Variants in SSTR3 observed in about 807,000 individuals in gnomAD.
SSTR3 encodes the protein somatostatin receptor type 3.
For synonymous variants in SSTR3, 281 were observed against 269.2 expected (o/e 1.04, Z -0.43); for missense variants, 504 against 604.7 (o/e 0.83, Z 1.75).
Position 37,207,655 on chromosome 22 carries a change from A to G in SSTR3, c.149T>C (p.Val50Ala). ...LAVSGVLIPL[V>A]YLVVCVVGLL... is the part of the protein sequence containing the mutation. Reference sequence around the variant, plus strand: ...GCCCACCACGCACACCACCAGGTAGACCAGGGGGATCAGAACGCCACTGAC... The same window carrying G: ...GCCCACCACGCACACCACCAGGTAGGCCAGGGGGATCAGAACGCCACTGAC... The change falls in exon 2 of 2, where the codon GTC (valine) becomes GCC (alanine). Residue 50 changes from valine to alanine, a missense_variant. Coordinates refer to ENST00000610913, the MANE Select transcript of SSTR3 (RefSeq NM_001051.5). 1 of 1,588,250 alleles carries G rather than the reference A, an allele frequency of 6.3e-7. No homozygotes were observed. Among genetic ancestry groups the G allele is most frequent in the Non-Finnish European group, 8.6e-7 (1 of 1,163,554 alleles).
At position 37,207,833 on chromosome 22, in the gene SSTR3, T is replaced by G. The variant is rs760524918; in HGVS notation, c.-30A>C. ...GAGGGGAGGGTGGTCAGCAGTCAGC[T>G]ATTTGCCTGGGGGAAGGAAAAACAG... On this transcript the variant is annotated 5_prime_UTR_variant, in exon 2 of 2. The change abolishes the stop of an existing upstream ORF in the 5' untranslated region. Coordinates refer to ENST00000610913, the MANE Select transcript of SSTR3 (RefSeq NM_001051.5). The G allele has an allele frequency of 1.1e-5, 16 of 1,482,836 alleles. No homozygotes were observed. In the Middle Eastern group the frequency reaches 7.3e-4, roughly 67 times the overall value. 91.9% of individuals were successfully genotyped at this position (1,482,836 alleles called of 1,614,324 possible).
At chr22:37,212,807 G>C (rs190749213), upstream of SSTR3, among the ~76,000 whole-genome samples, 7 of 152,114 alleles carry the variant, frequency 4.6e-5, no homozygotes, top group African/African-American at 4.8e-5. Context: ...CCCTGCAGTC[G>C]GGCACACCGG....
the SSTR3 span, among the ~76,000 whole-genome samples, chr22:37,219,114 G>A: frequency 3.9e-5 from 6 of 152,232 alleles, no homozygotes; most frequent in Non-Finnish European, 8.8e-5. Flanking sequence ...GAAGGTGGGA[G>A]TTTGTGTTTC....
rs1925813527 is a variant in SSTR3 at position 37,206,875 on chromosome 22, G to T, written c.929C>A (p.Pro310His). 6.2e-7 allele frequency: 1 copy of T among 1,613,550 alleles called. No individual in the cohort carries two copies. The highest frequency in any genetic ancestry group is 1.7e-5 in the Admixed American group (1 of 60,028). The change falls in exon 2 of 2, where the codon CCC (proline) becomes CAC (histidine). Residue 310 changes from proline (P) to histidine (H), a missense_variant. Transcript: ENST00000610913. ...ALPYANSCANPILYGFLSYRF... is the reference protein window; with the variant it reads ...ALPYANSCANHILYGFLSYRF... Reference sequence around the variant, plus strand: ...GTAGGAGAGGAAGCCATAAAGGATGGGGTTGGCACAGCTGTTGGCATAGGG... The same window carrying T: ...GTAGGAGAGGAAGCCATAAAGGATGTGGTTGGCACAGCTGTTGGCATAGGG...
At chr22:37,219,890 T>G in the SSTR3 span, among the ~76,000 whole-genome samples, 6 of 152,178 alleles carry the variant, frequency 3.9e-5, no homozygotes, top group Admixed American at 3.9e-4. Flanking sequence ...GGTTGGAGGC[T>G]GGGCTCAGCT....
upstream of SSTR3, among the ~76,000 whole-genome samples, chr22:37,215,410 G>C (rs1926396912): frequency 6.6e-6 from 1 of 152,284 alleles, no homozygotes; most frequent in South Asian, 2.1e-4. Flanking sequence ...TTTTGAGACG[G>C]AGTCTCGCGC....
In SSTR3 at chr22:37,205,360, C is replaced by T. The variant is rs1925662626; in HGVS notation, c.*1187G>A. The T allele has an allele frequency of 6.5e-6, 1 of 152,906 alleles. No individual in the cohort carries two copies. The highest frequency in any genetic ancestry group is 1.5e-5 in the Non-Finnish European group (1 of 68,568). The allele number at this position is 152,906 out of a possible 1,614,324, so 9.5% of individuals were successfully genotyped here. On this transcript the variant is annotated 3_prime_UTR_variant, in exon 2 of 2. Transcript: ENST00000610913. ...CAACTCAGGTTCACAGATGCTACCA[C>T]TGAGCTCAGCCCAGGGGGGCCAAAG...
rs35935022 is a variant in SSTR3, at chr22:37,204,309, G to T, written c.*2238C>A. The T allele has an allele frequency of 2.8e-3, 430 of 152,316 alleles. No individual in the cohort carries two copies. Among genetic ancestry groups the T allele is most frequent in the African/African-American group, 9.9e-3 (413 of 41,536 alleles). 9.4% of individuals were successfully genotyped at this position (152,316 alleles called of 1,614,324 possible). A position where few individuals can be genotyped will look rare whatever the true frequency, so the allele number is the denominator to read the frequency against. ...AAGGGTTTCCTAACTGGCCTCCCAGGGACCATTCTAGGACATTACTCTCCT... is the reference window on the plus strand; with the variant it reads ...AAGGGTTTCCTAACTGGCCTCCCAGTGACCATTCTAGGACATTACTCTCCT... On this transcript the variant is annotated 3_prime_UTR_variant, in exon 2 of 2. Coordinates refer to ENST00000610913, the MANE Select transcript of SSTR3 (RefSeq NM_001051.5).
Position 37,206,981 on chromosome 22 carries a change from C to A in SSTR3, c.823G>T (p.Val275Leu), listed in dbSNP as rs376429760. 1 of 1,612,340 alleles carries A rather than the reference C, an allele frequency of 6.2e-7. No individual in the cohort carries two copies. The highest frequency in any genetic ancestry group is 8.5e-7 in the Non-Finnish European group (1 of 1,179,268). ...CACACCACGTTGACGATGTTGAGCA[C>A]GTAGAAGGGCATCCAGCAGAGCACG... Reference protein sequence around the residue: ...LFVLCWMPFYVLNIVNVVCPL... With the variant: ...LFVLCWMPFYLLNIVNVVCPL... The change falls in exon 2 of 2, where the codon GTG becomes TTG. Residue 275 changes from valine (V) to leucine (L), a missense_variant. Physicochemically the swap from Val to Leu is conservative, Grantham distance 32 (BLOSUM62 1). Transcript: ENST00000610913.
intron 1 of SSTR3, chr22:37,210,929 G>A (rs899620451): frequency 5.1e-6 from 5 of 985,378 alleles, no homozygotes; most frequent in African/African-American, 1.7e-5. Flanking sequence ...AGAGCTCCAA[G>A]GTGGGACATT....
rs1415294488 is a variant in SSTR3 at position 37,207,126 on chromosome 22, G to T, written c.678C>A (p.Tyr226Ter). The T allele has an allele frequency of 6.2e-7, 1 of 1,612,648 alleles. No individual in the cohort carries two copies. The highest frequency in any genetic ancestry group is 8.5e-7 in the Non-Finnish European group (1 of 1,179,696). ...FGPLLVICLCYLLIVVKVRSA... is the reference protein window; with the variant it reads ...FGPLLVICLC Reference sequence around the variant, plus strand: ...AGCGCACCTTCACCACGATGAGCAGGTAGCAGAGGCAGATGACCAGCAGCG... The same window carrying T: ...AGCGCACCTTCACCACGATGAGCAGTTAGCAGAGGCAGATGACCAGCAGCG... Residue 226 changes from tyrosine to a stop codon, truncating the protein, a stop_gained, in exon 2 of 2, where the codon TAC becomes TAA. Transcript: ENST00000610913. LOFTEE classifies it low-confidence loss of function (END_TRUNC).
the SSTR3 span, among the ~76,000 whole-genome samples, chr22:37,218,679 T>A: frequency 6.6e-6 from 1 of 152,004 alleles, no homozygotes; most frequent in African/African-American, 2.4e-5. Context: ...TCCAAAAGCA[T>A]TGTGGTGCCT....
chr22:37,207,029 C>T lies in SSTR3; in HGVS notation c.775G>A (p.Val259Met), dbSNP rs757736671. The change falls in exon 2 of 2, where the codon GTG (valine) becomes ATG (methionine). Residue 259 changes from valine (V) to methionine (M), a missense_variant. Val to Met is a conservative substitution (Grantham distance 21). Transcript: ENST00000610913. ...ACGAAGAGCGCCACCACGGCCACCA[C>T]CATGCGCGTGACCCTGCGTTCGGAG... ...RRSERRVTRM[V>M]VAVVALFVLC... 1 of 1,613,018 alleles carries T rather than the reference C, an allele frequency of 6.2e-7. No individual in the cohort carries two copies. Among genetic ancestry groups the T allele is most frequent in the Non-Finnish European group, 8.5e-7 (1 of 1,179,988 alleles).
upstream of SSTR3, among the ~76,000 whole-genome samples, chr22:37,213,303 G>A (rs1042960745): frequency 1.5e-4 from 23 of 152,296 alleles, no homozygotes; most frequent in Non-Finnish European, 1.5e-4. Context: ...CCCTGCCTGT[G>A]CTGATTCCTG....
Position 37,212,239 on chromosome 22 carries a change from G to T in SSTR3, c.-451C>A. 1 of 661,536 alleles carries T rather than the reference G, an allele frequency of 1.5e-6. No homozygotes were observed. The highest frequency in any genetic ancestry group is 1.9e-6 in the Non-Finnish European group (1 of 535,702). 41.0% of individuals were successfully genotyped at this position (661,536 alleles called of 1,614,324 possible). A position where few individuals can be genotyped will look rare whatever the true frequency, so the allele number is the denominator to read the frequency against. ...AGAGAGAGAGAAAGAGGGAGGGGGA[G>T]AGAGAGAGAGGGAGAGGGAGAGGAG... On this transcript the variant is annotated 5_prime_UTR_variant, in exon 1 of 2. Coordinates refer to ENST00000610913, the MANE Select transcript of SSTR3 (RefSeq NM_001051.5).
chr22:37,214,462 C>T (rs980862085), upstream of SSTR3, among the ~76,000 whole-genome samples: 4 of 152,176 alleles, frequency 2.6e-5, no homozygotes, highest in African/African-American at 9.7e-5. Flanking sequence ...CTATGTTCAA[C>T]CTGGTACAAA....
upstream of SSTR3, among the ~76,000 whole-genome samples, chr22:37,217,009 A>G (rs1601662179): frequency 6.6e-6 from 1 of 152,028 alleles, no homozygotes; most frequent in Non-Finnish European, 1.5e-5. Flanking sequence ...CCATGTTGCC[A>G]AGGCTGGTCT....
At chr22:37,209,603 G>T (rs1380741141) in intron 1 of SSTR3, among the ~76,000 whole-genome samples, 1 of 152,248 alleles carries the variant, frequency 6.6e-6, no homozygotes, top group African/African-American at 2.4e-5. Context: ...CCAGGTGCCA[G>T]GCTAAGCTGG....
chr22:37,214,689 G>A (rs189527508), upstream of SSTR3, among the ~76,000 whole-genome samples: 6 of 151,942 alleles, frequency 3.9e-5, no homozygotes, highest in East Asian at 1.9e-4. Context: ...TTCCACCCTC[G>A]CCCCCTACTC....
Sources: allele counts gnomAD v4.1 joint callset (sites outside exome capture counted in the v4.1 genomes callset), GRCh38; gene constraint gnomAD v4.1.1; transcripts MANE v1.5; gene names NCBI Gene and HGNC (gene_info 2026-07-23, HGNC 2026-07-21).